The following UNC13C variants were observed in gnomAD, a reference collection of about 807,000 sequenced individuals.
UNC13C encodes unc-13 homolog C.
Under a neutral mutation model 245.4 loss-of-function variants are expected in UNC13C, and 174 were observed. The ratio of observed to expected loss-of-function variants is 0.71; its 90% CI spans 0.63 to 0.80. UNC13C has a LOEUF of 0.80. Among genes scored for constraint, UNC13C ranks in the 30% least tolerant of loss-of-function variants. The pLI, the probability that UNC13C is intolerant of heterozygous loss-of-function variation, is 0.00. For missense variants in UNC13C, 2,829 were observed against 2,602.9 expected, an observed-to-expected ratio of 1.09 and a Z score of -1.89; for synonymous variants, 992 against 895.1, an observed-to-expected ratio of 1.11 and a Z score of -1.93.
chr15:54,163,907 C>A (rs776415503), intron 4 of UNC13C, among the ~76,000 whole-genome samples: 1 of 151,994 alleles, frequency 6.6e-6, no homozygotes, highest in Non-Finnish European at 1.5e-5. Context: ...CATAAGCCTG[C>A]CTGATTGTGA....
the UNC13C span, among the ~76,000 whole-genome samples, chr15:53,941,793 A>G: frequency 6.6e-6 from 1 of 152,200 alleles, no homozygotes. Context: ...ATGGGGCCAA[A>G]TATATGAAAA....
At chr15:54,585,776 C>G (rs1229488258) in intron 30 of UNC13C, among the ~76,000 whole-genome samples, 1 of 152,150 alleles carries the variant, frequency 6.6e-6, no homozygotes, top group Non-Finnish European at 1.5e-5. Context: ...AAAATCTCAC[C>G]TCTTAATATA....
intron 17 of UNC13C, among the ~76,000 whole-genome samples, chr15:54,389,547 C>CA (rs1443581794): frequency 1.3e-5 from 2 of 152,052 alleles, no homozygotes; most frequent in Non-Finnish European, 2.9e-5. Context: ...TTTGTTTAAG[C>CA]AAAAATTTTG....
At chr15:53,846,184 A>G in the UNC13C span, among the ~76,000 whole-genome samples, 27 of 152,196 alleles carry the variant, frequency 1.8e-4, no homozygotes, top group African/African-American at 6.5e-4. Context: ...TTTTCAATTT[A>G]CGATGGATTT....
intron 2 of UNC13C, among the ~76,000 whole-genome samples, chr15:54,121,677 C>T (rs769859486): frequency 6.6e-6 from 1 of 151,676 alleles, no homozygotes; most frequent in African/African-American, 2.4e-5. Flanking sequence ...TTGTAGAAGT[C>T]TTTCAAAAAA....
In UNC13C at chr15:54,014,709, G is replaced by T; in HGVS notation, c.1806G>T (p.Lys602Asn). 1.9e-6 allele frequency: 3 copies of T among 1,613,806 alleles called. No homozygotes were observed. Among genetic ancestry groups the T allele is most frequent in the Non-Finnish European group, 2.5e-6 (3 of 1,179,848 alleles). Residue 602 changes from lysine (K) to asparagine (N), a missense_variant, in exon 2 of 33, where the codon AAG becomes AAT. Coordinates refer to ENST00000260323, the MANE Select transcript of UNC13C (RefSeq NM_001080534.3). ...CAGCGACCCTGTATGACAGTCCCAA[G>T]GACCAGCATTTGAATGGAGGTGTTC... ...EGTATLYDSP[K>N]DQHLNGGVQG... is the part of the protein sequence containing the mutation.
chr15:54,398,612 A>G (rs981168929), intron 18 of UNC13C, among the ~76,000 whole-genome samples: 1 of 151,376 alleles, frequency 6.6e-6, no homozygotes, highest in Admixed American at 6.6e-5. Flanking sequence ...TAAACTAAAA[A>G]TGTTATTTCT....
At chr15:54,393,728 C>A (rs916557785) in intron 18 of UNC13C, among the ~76,000 whole-genome samples, 1 of 151,694 alleles carries the variant, frequency 6.6e-6, no homozygotes, top group Non-Finnish European at 1.5e-5. Context: ...TAGAAGAGAC[C>A]GTAAAAATCC....
chr15:54,460,845 C>G (rs1000119643), intron 19 of UNC13C, among the ~76,000 whole-genome samples: 1 of 152,180 alleles, frequency 6.6e-6, no homozygotes, highest in South Asian at 2.1e-4. Flanking sequence ...GCACGTTAGT[C>G]CTGTCTCCTA....
intron 4 of UNC13C, among the ~76,000 whole-genome samples, chr15:54,196,067 T>C (rs1232048264): frequency 6.6e-6 from 1 of 152,104 alleles, no homozygotes; most frequent in Non-Finnish European, 1.5e-5. Flanking sequence ...TCCAAGCAGA[T>C]TATGTTTTAC....
chr15:54,140,428 G>A (rs2031962543), intron 2 of UNC13C, among the ~76,000 whole-genome samples: 1 of 152,118 alleles, frequency 6.6e-6, no homozygotes, highest in Non-Finnish European at 1.5e-5. Flanking sequence ...TTAAAAAACA[G>A]ACTACCATCA....
At chr15:54,618,156 A>C (rs1900562928) in intron 30 of UNC13C, among the ~76,000 whole-genome samples, 2 of 152,126 alleles carry the variant, frequency 1.3e-5, no homozygotes, top group Non-Finnish European at 2.9e-5. Context: ...GGTGCTTATT[A>C]ATCCCGTGTT....
chr15:54,088,201 CTTTTTTTTTTTT>C (rs59075201), intron 2 of UNC13C, among the ~76,000 whole-genome samples: 2 of 103,916 alleles, frequency 1.9e-5, no homozygotes, highest in African/African-American at 3.6e-5. Context: ...CTTCCTTTTC[CTTTTTTTTTTTT>C]TTTTTTTTTT....
intron 19 of UNC13C, among the ~76,000 whole-genome samples, chr15:54,448,698 A>G (rs1455353003): frequency 6.6e-6 from 1 of 152,212 alleles, no homozygotes; most frequent in East Asian, 1.9e-4. Context: ...TCCTGAATAC[A>G]GCACACTGAT....
At chr15:54,567,140 T>C (rs904768489) in intron 29 of UNC13C, among the ~76,000 whole-genome samples, 1 of 152,162 alleles carries the variant, frequency 6.6e-6, no homozygotes, top group African/African-American at 2.4e-5. Context: ...ATATTTATTG[T>C]CAATTACCAT....
At chr15:54,189,375 A>T (rs573030011) in intron 4 of UNC13C, among the ~76,000 whole-genome samples, 2 of 152,154 alleles carry the variant, frequency 1.3e-5, no homozygotes, top group African/African-American at 4.8e-5. Context: ...GATTTTTTTT[A>T]AATTCAATTT....
intron 19 of UNC13C, among the ~76,000 whole-genome samples, chr15:54,476,884 T>C (rs373119007): frequency 0.019 from 2,935 of 151,302 alleles, 41 homozygotes; most frequent in Middle Eastern, 0.054. Context: ...ATTGAATCTA[T>C]AAATTACCTT....
At chr15:54,027,371 CTTTTG>C (rs1012241673) in intron 2 of UNC13C, among the ~76,000 whole-genome samples, 1 of 151,916 alleles carries the variant, frequency 6.6e-6, no homozygotes, top group Non-Finnish European at 1.5e-5. Flanking sequence ...GAACTCTCCT[CTTTTG>C]TTTTGTTTTT....
At chr15:54,038,573 A>T (rs72739067) in intron 2 of UNC13C, among the ~76,000 whole-genome samples, 7,187 of 152,306 alleles carry the variant, frequency 0.047, 244 homozygotes, top group Non-Finnish European at 0.07. Context: ...AACTGCAGTT[A>T]TACTTGAAAA....
Sources: gnomAD v4.1 joint callset for allele counts (sites outside exome capture counted in the v4.1 genomes callset) on GRCh38, gnomAD v4.1.1 for gene constraint, MANE v1.5 for transcripts, NCBI Gene and HGNC (gene_info 2026-07-23, HGNC 2026-07-21) for gene names.